Variants in COL4A1 observed in about 807,000 individuals in gnomAD.
COL4A1 encodes the protein collagen type IV alpha 1 chain.
Under a neutral mutation model 216.6 loss-of-function variants are expected in COL4A1, and 40 were observed. The ratio of observed to expected loss-of-function variants is 0.18; its 90% CI spans 0.14 to 0.24. COL4A1 has a LOEUF of 0.24. Among genes scored for constraint, COL4A1 ranks in the 10% least tolerant of loss-of-function variants. COL4A1 has a pLI of 1.00. For synonymous variants in COL4A1, 839 were observed against 810.7 expected, an observed-to-expected ratio of 1.03 and a Z score of -0.59; for missense variants, 1,628 against 2,196.8, an observed-to-expected ratio of 0.74 and a Z score of 5.18.
At chr13:110,216,610 T>C (rs143349031) in intron 2 of COL4A1, among the ~76,000 whole-genome samples, 46 of 152,302 alleles carry the variant, frequency 3.0e-4, no homozygotes, top group African/African-American at 8.7e-4. Context: ...AATTTAACCA[T>C]GGAATGCACT....
At chr13:110,259,144 T>G (rs991096879) in intron 1 of COL4A1, among the ~76,000 whole-genome samples, 1 of 152,270 alleles carries the variant, frequency 6.6e-6, no homozygotes, top group Non-Finnish European at 1.5e-5. Flanking sequence ...TTTTCCATCT[T>G]GTTAATTTGC....
chr13:110,245,827 G>A (rs1881782184), intron 1 of COL4A1, among the ~76,000 whole-genome samples: 1 of 152,120 alleles, frequency 6.6e-6, no homozygotes, highest in Admixed American at 6.5e-5. Flanking sequence ...GTGACAGGCG[G>A]GTGGGTAGTT....
Position 110,305,259 on chromosome 13 carries a change from C to T in COL4A1, c.84+1685G>A, listed in dbSNP as rs756110317. Among the ~76,000 whole-genome samples the T allele has an allele frequency of 2.2e-4, 33 of 152,116 alleles. 1 individual carries two copies. The highest frequency in any genetic ancestry group is 3.7e-4 in the Non-Finnish European group (25 of 68,026). ...TCAAGGGACACTGCAAAGACAGTGG[C>T]CGGGAATGTAATTGAGCTTTAGGAA... On this transcript the variant is annotated intron_variant, in intron 1 of 51. Coordinates refer to ENST00000375820, the MANE Select transcript of COL4A1 (RefSeq NM_001845.6).
chr13:110,176,770 A>G (rs376787029), intron 34 of COL4A1, 46 bp from the exon 35 acceptor site: 26 of 1,613,636 alleles, frequency 1.6e-5, no homozygotes, highest in South Asian at 1.1e-4. Context: ...TTTGCTTGCA[A>G]GCAAGTTGCT....
intron 1 of COL4A1, among the ~76,000 whole-genome samples, chr13:110,261,945 G>C (rs1000555890): frequency 6.6e-6 from 1 of 152,224 alleles, no homozygotes; most frequent in African/African-American, 2.4e-5. Context: ...GGGCAGGTGG[G>C]CACAGGGCAG....
intron 1 of COL4A1, among the ~76,000 whole-genome samples, chr13:110,282,574 A>T (rs900523453): frequency 1.2e-4 from 18 of 152,212 alleles, no homozygotes; most frequent in African/African-American, 4.3e-4. Flanking sequence ...GGATGGCTGC[A>T]GGAGCTCTGA....
At chr13:110,246,952 G>A (rs927749612) in intron 1 of COL4A1, among the ~76,000 whole-genome samples, 2 of 152,102 alleles carry the variant, frequency 1.3e-5, no homozygotes, top group Non-Finnish European at 2.9e-5. Context: ...AATATGGCTG[G>A]GAGTTCTCAA....
intron 21 of COL4A1, among the ~76,000 whole-genome samples, chr13:110,198,078 GGTGTGT>G (rs35751015): frequency 0.029 from 4,159 of 141,894 alleles, 192 homozygotes; most frequent in African/African-American, 0.11. Flanking sequence ...TTGTTTCTGG[GGTGTGT>G]GTGTGTGTGT....
intron 1 of COL4A1, among the ~76,000 whole-genome samples, chr13:110,253,690 A>G (rs60283179): frequency 0.043 from 4,561 of 105,548 alleles, 500 homozygotes; most frequent in Non-Finnish European, 0.068. Context: ...TTACATATAC[A>G]TATAATTATA....
At chr13:110,206,759 G>A in intron 14 of COL4A1, 44 bp from the exon 15 acceptor site, 1 of 1,610,980 alleles carries the variant, frequency 6.2e-7, no homozygotes, top group Non-Finnish European at 8.5e-7. Context: ...GTCTATTTAA[G>A]CAAAATTTAA....
intron 1 of COL4A1, among the ~76,000 whole-genome samples, chr13:110,248,769 A>G (rs1240202432): frequency 6.6e-6 from 1 of 152,226 alleles, no homozygotes; most frequent in Non-Finnish European, 1.5e-5. Context: ...CTGGGATTAC[A>G]GGTGTGAGCC....
At position 110,218,453 on chromosome 13, in the gene COL4A1, A is replaced by C. The variant is rs2139212955; in HGVS notation, c.145-4438T>G. ...GTGCTGGGTGCATCCAAGGGAAACA[A>C]GCAATGCTTATCAGGGAAACTGCAA... On this transcript the variant is annotated intron_variant, in intron 2 of 51. Coordinates refer to ENST00000375820, the MANE Select transcript of COL4A1 (RefSeq NM_001845.6). 2.0e-5 allele frequency among the ~76,000 whole-genome samples: 3 copies of C among 152,316 alleles called. 1 individual carries two copies. The highest frequency in any genetic ancestry group is 7.2e-5 in the African/African-American group (3 of 41,570).
intron 1 of COL4A1, among the ~76,000 whole-genome samples, chr13:110,277,865 C>T (rs1314883553): frequency 6.6e-6 from 1 of 152,208 alleles, no homozygotes; most frequent in Non-Finnish European, 1.5e-5. Context: ...CTTCAGATTT[C>T]CCAATCTCCA....
At chr13:110,215,100 G>C (rs1254563298) in intron 2 of COL4A1, among the ~76,000 whole-genome samples, 1 of 152,208 alleles carries the variant, frequency 6.6e-6, no homozygotes, top group Admixed American at 6.5e-5. Flanking sequence ...AACAGCCTCA[G>C]TGCTGAGATT....
intron 37 of COL4A1, 41 bp downstream of exon 37, chr13:110,175,177 A>G: frequency 6.2e-7 from 1 of 1,612,384 alleles, no homozygotes; most frequent in African/African-American, 1.3e-5. Flanking sequence ...ATCTCCACTG[A>G]GCTGGGAGAA....
At chr13:110,208,963 C>T in intron 11 of COL4A1, 73 bp from the exon 12 acceptor site, 3 of 1,439,026 alleles carry the variant, frequency 2.1e-6, no homozygotes, top group Non-Finnish European at 2.9e-6. Flanking sequence ...AAACCTCACA[C>T]AAAATGCAAT....
chr13:110,300,581 A>C (rs1022615714), intron 1 of COL4A1, among the ~76,000 whole-genome samples: 1 of 152,210 alleles, frequency 6.6e-6, no homozygotes, highest in Non-Finnish European at 1.5e-5. Context: ...TGCACTCTCT[A>C]TGAGTGAATA....
intron 24 of COL4A1, among the ~76,000 whole-genome samples, chr13:110,189,159 G>C (rs1239789299): frequency 1.3e-5 from 2 of 152,224 alleles, no homozygotes; most frequent in Non-Finnish European, 2.9e-5. Flanking sequence ...CGCCTCTCAG[G>C]TTCAAGAGAT....
At chr13:110,257,651 G>T (rs747101390) in intron 1 of COL4A1, among the ~76,000 whole-genome samples, 43 of 152,180 alleles carry the variant, frequency 2.8e-4, no homozygotes, top group Non-Finnish European at 5.1e-4. Context: ...AACTGTACAA[G>T]GTCAGTGCAT....
Sources: allele counts gnomAD v4.1 joint callset (sites outside exome capture counted in the v4.1 genomes callset), GRCh38; gene constraint gnomAD v4.1.1; transcripts MANE v1.5; gene names NCBI Gene and HGNC (gene_info 2026-07-23, HGNC 2026-07-21).